TLL2: variants seen among roughly 807,000 people sequenced by gnomAD.
The protein encoded by TLL2 is tolloid-like protein 2.
TLL2 carries 106 observed loss-of-function variants against 123.0 expected under a neutral mutation model. The ratio of observed to expected loss-of-function variants is 0.86; its 90% confidence interval spans 0.74 to 1.01. TLL2 has a LOEUF of 1.01. Among genes scored for constraint, TLL2 ranks in the 50% least tolerant of loss-of-function variants. TLL2 has a pLI of 0.00. For synonymous variants in TLL2, 494 were observed against 516.8 expected (o/e 0.96, Z 0.60); for missense variants, 1,332 against 1,336.7 (o/e 1.00, Z 0.06).
intron 13 of TLL2, among the ~76,000 whole-genome samples, chr10:96,390,083 A>G (rs1354552344): frequency 6.6e-6 from 1 of 152,272 alleles, no homozygotes; most frequent in Non-Finnish European, 1.5e-5. Context: ...AGAGCGTGGC[A>G]GTAGAAGAGA....
intron 20 of TLL2, among the ~76,000 whole-genome samples, chr10:96,369,480 G>GC (rs1040389857): frequency 6.6e-6 from 1 of 152,138 alleles, no homozygotes; most frequent in African/African-American, 2.4e-5. Flanking sequence ...GAGGAGAGTG[G>GC]CTGCGCATGG....
intron 1 of TLL2, among the ~76,000 whole-genome samples, chr10:96,505,455 A>G (rs1285278879): frequency 6.6e-6 from 1 of 152,238 alleles, no homozygotes; most frequent in Non-Finnish European, 1.5e-5. Context: ...GATGACAATA[A>G]TTTTAAAAAT....
chr10:96,510,788 A>G (rs976201168), intron 1 of TLL2, among the ~76,000 whole-genome samples: 14 of 152,246 alleles, frequency 9.2e-5, no homozygotes, highest in African/African-American at 3.4e-4. Context: ...ACCAAAGATC[A>G]TAGACTCATA....
chr10:96,382,066 ATTTC>A (rs1425883211), intron 16 of TLL2, among the ~76,000 whole-genome samples: 1 of 151,672 alleles, frequency 6.6e-6, no homozygotes, highest in African/African-American at 2.4e-5. Context: ...ACTATTATGA[ATTTC>A]TTTCTTTTTT....
At chr10:96,385,978 T>A in intron 15 of TLL2, 77 bp downstream of exon 15, 1 of 1,390,100 alleles carries the variant, frequency 7.2e-7, no homozygotes, top group Non-Finnish European at 9.5e-7. Context: ...CTCCCTGCCC[T>A]CCCAGCCCCT....
chr10:96,408,708 T>C (rs1255818663), intron 9 of TLL2, among the ~76,000 whole-genome samples: 1 of 152,240 alleles, frequency 6.6e-6, no homozygotes, highest in Non-Finnish European at 1.5e-5. Flanking sequence ...TGTATACATG[T>C]GTGCCCACAC....
At chr10:96,385,929 G>T in intron 15 of TLL2, 126 bp downstream of exon 15, 1 of 1,017,286 alleles carries the variant, frequency 9.8e-7, no homozygotes, top group Non-Finnish European at 1.3e-6. Context: ...GCTAGCGCAG[G>T]TCCTAAGACT....
At chr10:96,422,777 G>A (rs1218070271) in intron 5 of TLL2, 50 bp from the exon 6 acceptor site, 11 of 1,603,168 alleles carry the variant, frequency 6.9e-6, no homozygotes, top group Non-Finnish European at 9.4e-6. Context: ...GACATTCAGA[G>A]CAAGAGGCAA....
Position 96,513,601 on chromosome 10 carries a change from G to T in TLL2, c.85C>A (p.Arg29Ser). The change falls in exon 1 of 21, where the codon CGC (arginine) becomes AGC (serine). Residue 29 changes from arginine (R) to serine (S), a missense_variant. Coordinates refer to ENST00000357947, the MANE Select transcript of TLL2 (RefSeq NM_012465.4). ...LPRGAGGLGE[R>S]PDATADYSEL... ...GAGTAGTCTGCGGTGGCGTCCGGGC[G>T]CTCCCCGAGTCCCCCGGCGCCGCGA... is the stretch of plus-strand genomic sequence containing the variant. 1 of 1,604,500 alleles carries T rather than the reference G, an allele frequency of 6.2e-7. No individual in the cohort carries two copies.
At position 96,386,974 on chromosome 10, in the gene TLL2, C is replaced by T. The variant is rs142908871; in HGVS notation, c.1831G>A (p.Ala611Thr). 41 of 1,614,102 alleles carry T rather than the reference C, an allele frequency of 2.5e-5. No individual in the cohort carries two copies. The highest frequency in any genetic ancestry group is 5.0e-5 in the Admixed American group (3 of 60,028). Residue 611 changes from alanine (A) to threonine (T), a missense_variant, in exon 14 of 21, where the codon GCC becomes ACC. By Grantham distance (58) the Ala-to-Thr change is moderately conservative. Coordinates refer to ENST00000357947, the MANE Select transcript of TLL2 (RefSeq NM_012465.4). ...CACDPGYELA[A>T]DKKMCEVACG... ...CAACCTTCACACATCTTCTTATCGG[C>T]GGCCAGCTCGTAGCCAGGGTCACAG...
intron 1 of TLL2, among the ~76,000 whole-genome samples, chr10:96,489,709 T>G (rs1210419075): frequency 2.6e-5 from 4 of 152,208 alleles, no homozygotes; most frequent in African/African-American, 7.2e-5. Context: ...TAGCTATATA[T>G]AAGCATAACA....
chr10:96,485,332 G>C (rs1410489118), intron 1 of TLL2, among the ~76,000 whole-genome samples: 2 of 152,118 alleles, frequency 1.3e-5, no homozygotes, highest in Non-Finnish European at 2.9e-5. Flanking sequence ...ATCAGAAAAG[G>C]AGGACATTAT....
intron 1 of TLL2, among the ~76,000 whole-genome samples, chr10:96,513,212 G>T: frequency 6.6e-6 from 1 of 152,278 alleles, no homozygotes; most frequent in South Asian, 2.1e-4. Flanking sequence ...CTGTCAGGCG[G>T]CCCTGGCACC....
At chr10:96,386,840 G>C in intron 14 of TLL2, 113 bp downstream of exon 14, 3 of 1,478,070 alleles carry the variant, frequency 2.0e-6, no homozygotes, top group Non-Finnish European at 2.8e-6. Context: ...CACCATGTCT[G>C]CCCATTGCCC....
intron 7 of TLL2, among the ~76,000 whole-genome samples, chr10:96,417,256 T>C (rs1158264956): frequency 6.6e-6 from 1 of 152,154 alleles, no homozygotes. Flanking sequence ...GGGAAACTAT[T>C]GACAAAATGC....
chr10:96,401,829 G>A (rs1846400475), intron 10 of TLL2, among the ~76,000 whole-genome samples: 1 of 152,200 alleles, frequency 6.6e-6, no homozygotes, highest in African/African-American at 2.4e-5. Context: ...TCCCATTCCT[G>A]GGAGGTGGGG....
rs568111189 is a variant in TLL2 at position 96,460,268 on chromosome 10, C to T, written c.287-14100G>A. Among the ~76,000 whole-genome samples the T allele has an allele frequency of 1.3e-3, 204 of 152,324 alleles. 1 individual carries two copies. The highest frequency in any genetic ancestry group is 2.5e-3 in the Non-Finnish European group (172 of 68,012). On this transcript the variant is annotated intron_variant, in intron 2 of 20. Coordinates refer to ENST00000357947, the MANE Select transcript of TLL2 (RefSeq NM_012465.4). ...CGTATGGAGAGGGGAAATTGGCAAA[C>T]ACTTCACAGAAGAAATTCTAATTTA...
chr10:96,476,248 T>TTTTGTTGTTGTTGTTG (rs1285354320), intron 2 of TLL2, among the ~76,000 whole-genome samples: 13 of 69,242 alleles, frequency 1.9e-4, no homozygotes, highest in Admixed American at 6.0e-4. Context: ...ATATTTTATT[T>TTTTGTTGTTGTTGTTG]TTGTTGTTGT....
At chr10:96,401,502 C>CTA (rs1017561906) in intron 10 of TLL2, among the ~76,000 whole-genome samples, 2 of 101,650 alleles carry the variant, frequency 2.0e-5, no homozygotes, top group African/African-American at 7.0e-5. Flanking sequence ...CGCTGGCACT[C>CTA]TACACACACA....
Sources: allele counts gnomAD v4.1 joint callset (sites outside exome capture counted in the v4.1 genomes callset), GRCh38; gene constraint gnomAD v4.1.1; transcripts MANE v1.5; gene names NCBI Gene and HGNC (gene_info 2026-07-23, HGNC 2026-07-21).